The following CDC5L variants were observed in gnomAD, a reference collection of about 807,000 sequenced individuals.
CDC5L encodes the protein cell division cycle 5-like protein.
Under a neutral mutation model 104.1 loss-of-function variants are expected in CDC5L, and 18 were observed. The ratio of observed to expected loss-of-function variants is 0.17; its 90% confidence interval spans 0.12 to 0.26. The LOEUF is 0.26. Ranked by LOEUF, CDC5L falls within the 10% of genes least tolerant of loss-of-function variation. CDC5L has a pLI of 1.00. For synonymous variants in CDC5L, 331 were observed against 322.7 expected, an observed-to-expected ratio of 1.03 and a Z score of -0.28; for missense variants, 673 against 956.9, an observed-to-expected ratio of 0.70 and a Z score of 3.91.
intron 14 of CDC5L, among the ~76,000 whole-genome samples, chr6:44,431,074 G>A (rs1280183326): frequency 6.6e-6 from 1 of 152,162 alleles, no homozygotes; most frequent in Non-Finnish European, 1.5e-5. Flanking sequence ...AATCACTTGG[G>A]GTGGTTGGGG....
At position 44,425,537 on chromosome 6, in the gene CDC5L, T is replaced by C. The variant is rs570460232; in HGVS notation, c.1570-566T>C. On this transcript the variant is annotated intron_variant, in intron 11 of 15. Coordinates refer to ENST00000371477, the MANE Select transcript of CDC5L (RefSeq NM_001253.4). ...TTTAGGGACCTTGAATCTCAGGGGA[T>C]TGGAGTGAGAATGACATCAGTGGAA... Among the ~76,000 whole-genome samples the C allele has an allele frequency of 9.2e-5, 14 of 152,198 alleles. No individual in the cohort carries two copies. The South Asian group carries it at 2.7e-3, about 29-fold the overall frequency.
rs150971616 is a variant in CDC5L at position 44,387,822 on chromosome 6, A to G, written c.-2A>G. On this transcript the variant is annotated 5_prime_UTR_variant, in exon 1 of 16. Coordinates refer to ENST00000371477, the MANE Select transcript of CDC5L (RefSeq NM_001253.4). ...TGCTTGCCGAGACACCCTGCCGCCA[A>G]GATGCCTCGAATTATGATCAAGGGG... 102 of 1,564,938 alleles carry G rather than the reference A, an allele frequency of 6.5e-5. No individual in the cohort carries two copies. The African/African-American group carries it at 1.2e-3, about 19-fold the overall frequency.
intron 13 of CDC5L, among the ~76,000 whole-genome samples, chr6:44,428,422 G>A (rs1448868531): frequency 6.6e-6 from 1 of 152,130 alleles, no homozygotes; most frequent in African/African-American, 2.4e-5. Context: ...ACAGAAGGTG[G>A]TTCCCAGTTT....
rs1386160036 is a variant in CDC5L, at chr6:44,393,450, A to G, written c.316A>G (p.Lys106Glu). 8 of 1,613,578 alleles carry G rather than the reference A, an allele frequency of 5.0e-6. No individual in the cohort carries two copies. Among genetic ancestry groups the G allele is most frequent in the Non-Finnish European group, 5.9e-6 (7 of 1,179,716 alleles). ...CTCCTATGGGCTTTTTTCTAGGGAT[A>G]AAGCTGCCCAAAGAGACAATGAAGA... The part of the protein sequence containing the change: ...CLEHYEFLLD[K>E]AAQRDNEEET... Residue 106 changes from lysine (K) to glutamate (E), a missense_variant, in exon 4 of 16, where the codon AAA becomes GAA. Transcript: ENST00000371477.
chr6:44,433,880 T>A (rs1031514455), intron 14 of CDC5L, among the ~76,000 whole-genome samples: 2 of 152,232 alleles, frequency 1.3e-5, no homozygotes, highest in Non-Finnish European at 2.9e-5. Context: ...AAAAATTTCC[T>A]TAATACTTTA....
intron 8 of CDC5L, among the ~76,000 whole-genome samples, chr6:44,416,728 TC>T (rs1208426524): frequency 6.6e-6 from 1 of 152,160 alleles, no homozygotes; most frequent in African/African-American, 2.4e-5. Flanking sequence ...TGGGCCAAAC[TC>T]CCCCACTCCT....
chr6:44,422,856 C>A (rs771400071), intron 10 of CDC5L, 47 bp downstream of exon 10: 20 of 1,312,258 alleles, frequency 1.5e-5, no homozygotes, highest in Non-Finnish European at 2.0e-5. Flanking sequence ...TTTTTAATAT[C>A]TCATGGATGC....
chr6:44,428,983 G>T (rs1438492414), intron 13 of CDC5L, among the ~76,000 whole-genome samples: 3 of 150,550 alleles, frequency 2.0e-5, no homozygotes, highest in Non-Finnish European at 4.4e-5. Context: ...CTTAACAAGT[G>T]GTTGAATCTC....
intron 6 of CDC5L, among the ~76,000 whole-genome samples, chr6:44,404,988 C>G (rs1402452619): frequency 6.6e-5 from 10 of 152,182 alleles, no homozygotes; most frequent in Non-Finnish European, 1.2e-4. Context: ...GTCACCACTC[C>G]TGGCCCTTTT....
chr6:44,426,019 TTACA>T (rs1792400571), intron 11 of CDC5L, 80 bp from the exon 12 acceptor site: 5 of 886,912 alleles, frequency 5.6e-6, no homozygotes, highest in Non-Finnish European at 8.8e-6. Context: ...ACACATGATC[TTACA>T]TACCAAAGTG....
chr6:44,428,584 A>G (rs1792532863), intron 13 of CDC5L, among the ~76,000 whole-genome samples: 1 of 152,152 alleles, frequency 6.6e-6, no homozygotes, highest in Non-Finnish European at 1.5e-5. Context: ...ATTGCTTGGA[A>G]AGCTGTTTTT....
intron 5 of CDC5L, among the ~76,000 whole-genome samples, chr6:44,400,446 G>C (rs150184689): frequency 0.014 from 2,137 of 152,304 alleles, 22 homozygotes; most frequent in Middle Eastern, 0.034. Context: ...GGAGTGCAGT[G>C]GCATGATCTC....
chr6:44,426,951 G>T (rs1405262862), intron 13 of CDC5L, among the ~76,000 whole-genome samples: 1 of 152,142 alleles, frequency 6.6e-6, no homozygotes, highest in Non-Finnish European at 1.5e-5. Context: ...CACCGCCAGG[G>T]TGTTTTTGGT....
chr6:44,437,729 C>A (rs1221140303), intron 14 of CDC5L, among the ~76,000 whole-genome samples: 1 of 152,162 alleles, frequency 6.6e-6, no homozygotes, highest in Non-Finnish European at 1.5e-5. Context: ...TAAGCAGTTT[C>A]TGAGTATAGG....
Position 44,446,805 on chromosome 6 carries a change from C to G in CDC5L, c.*94C>G. The G allele has an allele frequency of 1.6e-6, 1 of 634,664 alleles. No homozygotes were observed. Among genetic ancestry groups the G allele is most frequent in the Non-Finnish European group, 2.7e-6 (1 of 365,342 alleles). The allele number at this position is 634,664 out of a possible 1,614,324, so 39.3% of individuals were successfully genotyped here. Reference sequence around the variant, plus strand: ...ATGTTTATCTTCATTGACAAATTTACCCACCATCTGTGGTTTTTCAGTTGT... The same window carrying G: ...ATGTTTATCTTCATTGACAAATTTAGCCACCATCTGTGGTTTTTCAGTTGT... On this transcript the variant is annotated 3_prime_UTR_variant, in exon 16 of 16. Coordinates refer to ENST00000371477, the MANE Select transcript of CDC5L (RefSeq NM_001253.4).
At chr6:44,408,009 T>G (rs751373436) in intron 7 of CDC5L, among the ~76,000 whole-genome samples, 2 of 152,226 alleles carry the variant, frequency 1.3e-5, no homozygotes, top group Non-Finnish European at 2.9e-5. Context: ...TATTTTACAT[T>G]CTTGGTACGT....
chr6:44,412,381 G>T (rs1024239229), intron 8 of CDC5L, among the ~76,000 whole-genome samples: 5 of 150,040 alleles, frequency 3.3e-5, no homozygotes, highest in African/African-American at 1.2e-4. Context: ...CACGGCCACT[G>T]TGCCCAGACA....
intron 14 of CDC5L, among the ~76,000 whole-genome samples, chr6:44,433,560 G>A (rs1792785356): frequency 6.6e-6 from 1 of 152,144 alleles, no homozygotes; most frequent in Non-Finnish European, 1.5e-5. Flanking sequence ...AGTGGATTTT[G>A]TCACGTTAGC....
Position 44,387,804 on chromosome 6 carries a change from C to G in CDC5L, c.-20C>G, listed in dbSNP as rs149722387. ...TCTGAAGCTCCTCTCGGCTGCTTGC[C>G]GAGACACCCTGCCGCCAAGATGCCT... On this transcript the variant is annotated 5_prime_UTR_variant, in exon 1 of 16. Coordinates refer to ENST00000371477, the MANE Select transcript of CDC5L (RefSeq NM_001253.4). 42 of 1,556,712 alleles carry G rather than the reference C, an allele frequency of 2.7e-5. No individual in the cohort carries two copies. The highest frequency in any genetic ancestry group is 3.7e-5 in the Non-Finnish European group (42 of 1,149,320).
Sources: gnomAD v4.1 joint callset for allele counts (sites outside exome capture counted in the v4.1 genomes callset) on GRCh38, gnomAD v4.1.1 for gene constraint, MANE v1.5 for transcripts, NCBI Gene and HGNC (gene_info 2026-07-23, HGNC 2026-07-21) for gene names.